The following ZER1 variants were observed in gnomAD, a reference collection of about 807,000 sequenced individuals.
ZER1 encodes the protein protein zer-1 homolog.
In ZER1, 11 loss-of-function variants were observed where a neutral mutation model predicts 78.8. The ratio of observed to expected loss-of-function variants is 0.14; its 90% CI spans 0.09 to 0.23. The LOEUF (loss-of-function observed/expected upper bound fraction) is 0.23, where lower values mean the gene tolerates loss of function less well. ZER1 is among the 10% of genes least tolerant of loss of function. ZER1 has a pLI of 1.00. For synonymous variants in ZER1, 400 were observed against 407.0 expected, an observed-to-expected ratio of 0.98 and a Z score of 0.21; for missense variants, 588 against 996.9, an observed-to-expected ratio of 0.59 and a Z score of 5.52.
Position 128,750,794 on chromosome 9 carries a change from A to T in ZER1, c.1186-5T>A. 6.2e-7 allele frequency: 1 copy of T among 1,614,170 alleles called. No homozygotes were observed. The highest frequency in any genetic ancestry group is 8.5e-7 in the Non-Finnish European group (1 of 1,180,006). On this transcript the variant is annotated splice_region_variant and splice_polypyrimidine_tract_variant and intron_variant, in intron 7 of 15. Coordinates refer to ENST00000291900, the MANE Select transcript of ZER1 (RefSeq NM_006336.4). The stretch of plus-strand genomic sequence containing the variant: ...CTTGAGGGCCGTGATGACCAGCTGT[A>T]TGAAGACAAGGGGGACCTGGGCTGG...
In ZER1 at chr9:128,741,011, G is replaced by A. The variant is rs193164576; in HGVS notation, c.1738-124C>T. 12 of 652,664 alleles carry A rather than the reference G, an allele frequency of 1.8e-5. No homozygotes were observed. The Admixed American group carries it at 1.9e-4, about 11-fold the overall frequency. 40.4% of individuals were successfully genotyped at this position (652,664 alleles called of 1,614,324 possible). ...AACTAGACAAAGAGGGGGCATATAT[G>A]CTGCCCTCCTACCCTCCAATGCTCC... On this transcript the variant is annotated intron_variant, in intron 11 of 15. Transcript: ENST00000291900.
chr9:128,749,161 C>G (rs1863596225), intron 8 of ZER1, among the ~76,000 whole-genome samples: 1 of 150,806 alleles, frequency 6.6e-6, no homozygotes, highest in African/African-American at 2.4e-5. Context: ...AACCCTGTCT[C>G]TACTAAAAAT....
intron 13 of ZER1, among the ~76,000 whole-genome samples, chr9:128,737,117 C>G (rs1863110762): frequency 6.6e-6 from 1 of 151,982 alleles, no homozygotes; most frequent in South Asian, 2.1e-4. Context: ...GCACTCCAGC[C>G]TGGGTGACAG....
intron 1 of ZER1, among the ~76,000 whole-genome samples, chr9:128,768,158 G>A (rs1050617465): frequency 3.9e-5 from 6 of 152,110 alleles, no homozygotes; most frequent in Non-Finnish European, 5.9e-5. Flanking sequence ...CAGTTTCAGC[G>A]ATTGCGCCAG....
Position 128,751,372 on chromosome 9 carries a change from A to T in ZER1, c.1038+41T>A. ...CAGAATCCAGCTCCTTCTCTCTCCC[A>T]AGGCTCCCTGGCCCAGACCCATCCC... On this transcript the variant is annotated intron_variant, in intron 6 of 15. Transcript: ENST00000291900. This position sits in a 1 kb window ranked among gnomAD's most constrained non-coding sequence, Gnocchi z 5.4. 6.2e-7 allele frequency: 1 copy of T among 1,613,264 alleles called. No individual in the cohort carries two copies. The highest frequency in any genetic ancestry group is 8.5e-7 in the Non-Finnish European group (1 of 1,179,400).
At chr9:128,761,448 G>A (rs946839709) in intron 1 of ZER1, among the ~76,000 whole-genome samples, 17 of 151,680 alleles carry the variant, frequency 1.1e-4, no homozygotes, top group African/African-American at 3.1e-4. Context: ...CCCTACACCC[G>A]GCTAATTTTT....
Position 128,733,434 on chromosome 9 carries a change from T to C in ZER1, c.2235A>G (p.Glu745=). The C allele has an allele frequency of 6.2e-7, 1 of 1,613,802 alleles. No homozygotes were observed. The highest frequency in any genetic ancestry group is 8.5e-7 in the Non-Finnish European group (1 of 1,179,886). Residue 745 remains glutamate (E), a synonymous_variant, in exon 15 of 16, where the codon GAA becomes GAG. Coordinates refer to ENST00000291900, the MANE Select transcript of ZER1 (RefSeq NM_006336.4). ...KMATARQETK[E]MARKVIEHCS... ...CACTGCTGGTCTCTTACCGGGCCAT[T>C]TCCTTGGTCTCCTGCCGTGCGGTCG...
At chr9:128,734,928 G>C (rs577987308) in intron 14 of ZER1, among the ~76,000 whole-genome samples, 1 of 151,428 alleles carries the variant, frequency 6.6e-6, no homozygotes, top group East Asian at 1.9e-4. Context: ...TGCTCAGGCC[G>C]GAGTGCAATG....
In ZER1 at chr9:128,750,429, G is replaced by A. The variant is rs554471387; in HGVS notation, c.1359+187C>T. Among the ~76,000 whole-genome samples the A allele has an allele frequency of 9.3e-4, 141 of 152,314 alleles. 1 individual carries two copies. The highest frequency in any genetic ancestry group is 1.8e-3 in the Non-Finnish European group (120 of 68,026). On this transcript the variant is annotated intron_variant, in intron 8 of 15. Coordinates refer to ENST00000291900, the MANE Select transcript of ZER1 (RefSeq NM_006336.4). ...CCACCCCCACATGGGGCAGGGAGGA[G>A]GATGGAGGGCAGCCAGGAGTGATGG... is the stretch of plus-strand genomic sequence containing the variant.
chr9:128,762,087 T>G (rs570298269), intron 1 of ZER1, among the ~76,000 whole-genome samples: 2 of 152,088 alleles, frequency 1.3e-5, no homozygotes, highest in Non-Finnish European at 2.9e-5. Flanking sequence ...GTAAACTTTC[T>G]TAAAACATTA....
intron 1 of ZER1, among the ~76,000 whole-genome samples, chr9:128,767,267 G>A (rs1156232730): frequency 1.3e-5 from 2 of 151,764 alleles, no homozygotes; most frequent in African/African-American, 4.8e-5. Context: ...TCTTTTAAGA[G>A]ACAGGGTCTC....
In ZER1 at chr9:128,755,349, T is replaced by C; in HGVS notation, c.158+59A>G. ...CCACATAGTGCACACACGGTCCCAA[T>C]CTCTCTATACACATTCATGGTAAGA... is the stretch of plus-strand genomic sequence containing the variant. On this transcript the variant is annotated intron_variant, in intron 2 of 15. Coordinates refer to ENST00000291900, the MANE Select transcript of ZER1 (RefSeq NM_006336.4). This position sits in a 1 kb window ranked among gnomAD's most constrained non-coding sequence, Gnocchi z 5.6. 6.3e-7 allele frequency: 1 copy of C among 1,597,178 alleles called. No homozygotes were observed. Among genetic ancestry groups the C allele is most frequent in the Non-Finnish European group, 8.6e-7 (1 of 1,166,420 alleles).
At chr9:128,746,242 G>A (rs1424514769) in intron 8 of ZER1, 2 of 152,140 alleles carry the variant, frequency 1.3e-5, no homozygotes, top group Admixed American at 6.6e-5. Flanking sequence ...TAGAATTTTG[G>A]CAGGTTCTGC....
intron 13 of ZER1, among the ~76,000 whole-genome samples, chr9:128,736,911 AG>A (rs1481283613): frequency 4.0e-5 from 6 of 151,852 alleles, no homozygotes; most frequent in Non-Finnish European, 8.8e-5. Context: ...TGGGAGGCTG[AG>A]GGGGGTGGAT....
chr9:128,733,481 G>C lies in ZER1; in HGVS notation c.2188C>G (p.Leu730Val). 6.2e-7 allele frequency: 1 copy of C among 1,613,918 alleles called. No individual in the cohort carries two copies. Among genetic ancestry groups the C allele is most frequent in the Non-Finnish European group, 8.5e-7 (1 of 1,179,974 alleles). ...LLIKEGGMPL[L>V]RDIIKMATAR... is the part of the protein sequence containing the mutation. ...GTCGCCATCTTAATTATGTCCCTCA[G>C]AAGGGGCATCCCCCCTTCTTTGATC... The change falls in exon 15 of 16, where the codon CTG becomes GTG. Residue 730 changes from leucine (L) to valine (V), a missense_variant. By Grantham distance (32) the Leu-to-Val change is conservative (BLOSUM62 1). This residue lies in a region of ZER1 where 122 missense variants were observed against 173.5 expected (regional missense o/e 0.70). Coordinates refer to ENST00000291900, the MANE Select transcript of ZER1 (RefSeq NM_006336.4).
intron 8 of ZER1, among the ~76,000 whole-genome samples, chr9:128,750,222 G>A (rs1380121788): frequency 6.6e-6 from 1 of 152,188 alleles, no homozygotes; most frequent in East Asian, 1.9e-4. Flanking sequence ...CTGTCTCTGG[G>A]TAGTGGGTTT....
chr9:128,733,164 G>C (rs899573853), intron 15 of ZER1: 1 of 434,574 alleles, frequency 2.3e-6, no homozygotes, highest in Admixed American at 3.4e-5. Context: ...GATGGAATTT[G>C]TTGGGAATAA....
chr9:128,762,632 A>G (rs1349751680), intron 1 of ZER1, among the ~76,000 whole-genome samples: 1 of 152,202 alleles, frequency 6.6e-6, no homozygotes, highest in Non-Finnish European at 1.5e-5. Flanking sequence ...TGCTCAATAA[A>G]GACAACCGTT....
At chr9:128,737,056 A>T (rs913374443) in intron 13 of ZER1, among the ~76,000 whole-genome samples, 1 of 152,070 alleles carries the variant, frequency 6.6e-6, no homozygotes, top group African/African-American at 2.4e-5. Context: ...AGACAGGAGA[A>T]TCGCTTGAAC....
Sources: gnomAD v4.1 joint callset for allele counts (sites outside exome capture counted in the v4.1 genomes callset) on GRCh38, gnomAD v4.1.1 for gene constraint, gnomAD v4.1.1 regional missense constraint, Gnocchi (gnomAD v3.1) non-coding constraint, MANE v1.5 for transcripts, NCBI Gene and HGNC (gene_info 2026-07-23, HGNC 2026-07-21) for gene names.